DDX10: variants seen among roughly 807,000 people sequenced by gnomAD.
The protein encoded by DDX10 is probable ATP-dependent RNA helicase DDX10.
A neutral mutation model predicts 104.3 loss-of-function variants in DDX10; 74 were observed. The observed-to-expected ratio is 0.71, with a 90% CI of 0.59 to 0.86. The LOEUF is 0.86. DDX10 is among the 40% of genes least tolerant of loss of function. DDX10 has a pLI of 0.00. For missense variants in DDX10, 952 were observed against 1,040.0 expected (o/e 0.92, Z 1.16); for synonymous variants, 351 against 353.4 (o/e 0.99, Z 0.08).
At chr11:108,704,555 C>T (rs1244710293) in intron 9 of DDX10, among the ~76,000 whole-genome samples, 1 of 152,168 alleles carries the variant, frequency 6.6e-6, no homozygotes, top group Non-Finnish European at 1.5e-5. Context: ...CGACATCTCT[C>T]CATTATCTTG....
intron 16 of DDX10, among the ~76,000 whole-genome samples, chr11:108,908,249 A>T (rs1275560378): frequency 6.6e-6 from 1 of 152,236 alleles, no homozygotes; most frequent in Admixed American, 6.5e-5. Context: ...ACTATGAAGA[A>T]TTAATGCATT....
At chr11:108,714,179 G>A (rs1220897756) in intron 10 of DDX10, among the ~76,000 whole-genome samples, 1 of 152,226 alleles carries the variant, frequency 6.6e-6, no homozygotes, top group African/African-American at 2.4e-5. Flanking sequence ...ACTCATGAGT[G>A]TGGGGCTGCC....
chr11:108,895,169 A>G (rs1863424702), intron 16 of DDX10, among the ~76,000 whole-genome samples: 1 of 152,078 alleles, frequency 6.6e-6, no homozygotes. Context: ...CTTGGACAGT[A>G]AAATTAACTC....
chr11:108,682,733 T>C lies in DDX10; in HGVS notation c.848+3173T>C, dbSNP rs114036393. On this transcript the variant is annotated intron_variant, in intron 6 of 17. Transcript: ENST00000322536. ...ATTTAGACTTACCCAGTTCTTCTTCTTGTATTGTCACCCTTCCACCTGAGA... is the reference window on the plus strand; with the variant it reads ...ATTTAGACTTACCCAGTTCTTCTTCCTGTATTGTCACCCTTCCACCTGAGA... Among the ~76,000 whole-genome samples the C allele has an allele frequency of 1.1e-3, 170 of 152,358 alleles. 2 individuals are homozygous for C. The highest frequency in any genetic ancestry group is 4.0e-3 in the African/African-American group (165 of 41,582).
At chr11:108,904,095 A>G (rs1313520180) in intron 16 of DDX10, among the ~76,000 whole-genome samples, 1 of 140,400 alleles carries the variant, frequency 7.1e-6, no homozygotes, top group African/African-American at 2.5e-5. Flanking sequence ...AAGGGAGAGA[A>G]AAAAAATTTT....
At chr11:108,679,684 T>C (rs1023721208) in intron 6 of DDX10, 124 bp downstream of exon 6, 1 of 675,756 alleles carries the variant, frequency 1.5e-6, no homozygotes, top group Non-Finnish European at 2.3e-6. Flanking sequence ...ATGCAAAGCA[T>C]AGTAAATATA....
rs543886561 is a variant in DDX10 at position 108,771,743 on chromosome 11, G to A, written c.1965+48281G>A. Among the ~76,000 whole-genome samples, 5 of 152,310 alleles carry A rather than the reference G, an allele frequency of 3.3e-5. No homozygotes were observed. In the South Asian group the frequency reaches 8.3e-4, roughly 25 times the overall value. On this transcript the variant is annotated intron_variant, in intron 13 of 17. Coordinates refer to ENST00000322536, the MANE Select transcript of DDX10 (RefSeq NM_004398.4). ...ATTTCAGGAGAAAGGAATAAATGGA[G>A]GCTATAGCTTTAATTGGTAAAGAAG...
chr11:108,708,089 C>A (rs948218677), intron 10 of DDX10, among the ~76,000 whole-genome samples: 2 of 151,926 alleles, frequency 1.3e-5, no homozygotes, highest in South Asian at 4.1e-4. Context: ...AAAGTGGCTA[C>A]ACCATTTTGA....
chr11:108,731,416 A>G (rs989646367), intron 13 of DDX10, among the ~76,000 whole-genome samples: 12 of 152,114 alleles, frequency 7.9e-5, no homozygotes, highest in African/African-American at 2.2e-4. Context: ...TTAAAAATTA[A>G]TACTTATTTT....
intron 3 of DDX10, among the ~76,000 whole-genome samples, chr11:108,676,003 G>A (rs12790940): frequency 6.6e-6 from 1 of 152,160 alleles, no homozygotes; most frequent in African/African-American, 2.4e-5. Flanking sequence ...TGGAAGTGGA[G>A]TGCTCCAGTA....
intron 9 of DDX10, among the ~76,000 whole-genome samples, chr11:108,699,703 G>T (rs1049698962): frequency 6.6e-6 from 1 of 152,162 alleles, no homozygotes; most frequent in East Asian, 1.9e-4. Context: ...ACTACACAAG[G>T]GTGTCAATAC....
At chr11:108,709,186 C>T (rs2094280714) in intron 10 of DDX10, among the ~76,000 whole-genome samples, 1 of 152,092 alleles carries the variant, frequency 6.6e-6, no homozygotes, top group African/African-American at 2.4e-5. Context: ...GGGAGAGCTT[C>T]CAGTTTCTCA....
chr11:108,770,676 T>C (rs1043144520), intron 13 of DDX10, among the ~76,000 whole-genome samples: 1 of 152,134 alleles, frequency 6.6e-6, no homozygotes, highest in African/African-American at 2.4e-5. Context: ...GTTCCATCCA[T>C]GTTGTGGCAA....
chr11:108,834,412 C>T (rs1316445418), intron 13 of DDX10, among the ~76,000 whole-genome samples: 1 of 151,598 alleles, frequency 6.6e-6, no homozygotes, highest in East Asian at 1.9e-4. Flanking sequence ...TTATAGGACT[C>T]TTTTTTGAGA....
intron 16 of DDX10, among the ~76,000 whole-genome samples, chr11:108,899,737 G>A (rs1863490488): frequency 6.6e-6 from 1 of 152,114 alleles, no homozygotes; most frequent in Non-Finnish European, 1.5e-5. Flanking sequence ...GGAGGTGTTT[G>A]GGTCACAGGG....
intron 17 of DDX10, among the ~76,000 whole-genome samples, chr11:108,931,711 A>G (rs1422124269): frequency 6.6e-6 from 1 of 152,226 alleles, no homozygotes; most frequent in Non-Finnish European, 1.5e-5. Context: ...GGCACCATGA[A>G]CTAGATGTTA....
At chr11:108,873,004 C>G (rs1863103538) in intron 16 of DDX10, among the ~76,000 whole-genome samples, 1 of 152,084 alleles carries the variant, frequency 6.6e-6, no homozygotes, top group Non-Finnish European at 1.5e-5. Context: ...AGGAGGAGGC[C>G]TGGAATAAAA....
chr11:108,736,676 A>G (rs570167457), intron 13 of DDX10, among the ~76,000 whole-genome samples: 10 of 152,286 alleles, frequency 6.6e-5, no homozygotes, highest in Admixed American at 1.3e-4. Context: ...CTCTTCTGCC[A>G]TGTGAGGACA....
At chr11:108,741,658 C>T (rs781543747) in intron 13 of DDX10, among the ~76,000 whole-genome samples, 2 of 152,068 alleles carry the variant, frequency 1.3e-5, no homozygotes, top group Non-Finnish European at 2.9e-5. Context: ...TTTTTGTATC[C>T]TGAAACTTTG....
Sources: gnomAD v4.1 joint callset for allele counts (sites outside exome capture counted in the v4.1 genomes callset) on GRCh38, gnomAD v4.1.1 for gene constraint, MANE v1.5 for transcripts, NCBI Gene and HGNC (gene_info 2026-07-23, HGNC 2026-07-21) for gene names.